C18orf54: variants seen among roughly 807,000 people sequenced by gnomAD.
The protein encoded by C18orf54 is chromosome 18 open reading frame 54, also known as lung adenoma susceptibility protein 2.
A neutral mutation model predicts 49.3 loss-of-function variants in C18orf54; 49 were observed. That is an observed-to-expected ratio of 0.99 (90% CI 0.79 to 1.26). The LOEUF (loss-of-function observed/expected upper bound fraction) is 1.26. Ranked by LOEUF, C18orf54 falls within the 50% of genes most tolerant of loss-of-function variation. The pLI, the probability that C18orf54 is intolerant of heterozygous loss-of-function variation, is 0.00. For missense variants in C18orf54, 687 were observed against 620.6 expected, an observed-to-expected ratio of 1.11 and a Z score of -1.14; for synonymous variants, 211 against 216.6, an observed-to-expected ratio of 0.97 and a Z score of 0.23.
In C18orf54 at chr18:54,361,608, G is replaced by A. The variant is rs762883290; in HGVS notation, c.284-35G>A. 16 of 1,496,014 alleles carry A rather than the reference G, an allele frequency of 1.1e-5. No individual in the cohort carries two copies. The East Asian group carries it at 3.0e-4, about 28-fold the overall frequency. 92.7% of individuals were successfully genotyped at this position (1,496,014 alleles called of 1,614,324 possible). ...TACTGTTGGATATTATAAAATATTT[G>A]TATGTAATAAACAAAACTGTTCTTC... is the stretch of plus-strand genomic sequence containing the variant. On this transcript the variant is annotated intron_variant, in intron 3 of 8. Transcript: ENST00000620105.
rs1273429929 is a variant in C18orf54, at chr18:54,362,216, A to G, written c.857A>G (p.Asp286Gly). The change falls in exon 4 of 9, where the codon GAT becomes GGT. Residue 286 changes from aspartate to glycine, a missense_variant. By Grantham distance (94) the Asp-to-Gly change is moderately conservative. Coordinates refer to ENST00000620105, the MANE Select transcript of C18orf54 (RefSeq NM_001288980.2). Reference protein sequence around the residue: ...SQRVYQIFKDDQCSPRHSHQA... With the variant: ...SQRVYQIFKDGQCSPRHSHQA... Reference sequence around the variant, plus strand: ...AGGGTTTATCAGATATTTAAAGATGATCAGTGTTCCCCTAGACATAGTCAT... The same window carrying G: ...AGGGTTTATCAGATATTTAAAGATGGTCAGTGTTCCCCTAGACATAGTCAT... 1.3e-6 allele frequency: 2 copies of G among 1,536,238 alleles called. No individual in the cohort carries two copies. The highest frequency in any genetic ancestry group is 8.7e-7 in the Non-Finnish European group (1 of 1,146,924).
At chr18:54,374,142 A>G in intron 7 of C18orf54, 72 bp from the exon 8 acceptor site, 1 of 1,192,468 alleles carries the variant, frequency 8.4e-7, no homozygotes. Context: ...TTTTAATCAC[A>G]TTTTCAATAC....
rs771678339 is a variant in C18orf54, at chr18:54,365,813, G to A, written c.1318G>A (p.Asp440Asn). Residue 440 changes from aspartate (D) to asparagine (N), a missense_variant, in exon 6 of 9, where the codon GAT becomes AAT. Physicochemically the swap from Asp to Asn is conservative, Grantham distance 23. Transcript: ENST00000620105. ...GGTTCTTGAAGACTTTCTAAATAAT[G>A]ATAATCAGGTGGGTGAAATTAAAAG... Reference protein sequence around the residue: ...KGVLEDFLNNDNQSCTLSGGK... With the variant: ...KGVLEDFLNNNNQSCTLSGGK... The A allele has an allele frequency of 1.4e-5, 22 of 1,562,098 alleles. No homozygotes were observed. The South Asian group carries it at 1.9e-4, about 14-fold the overall frequency.
chr18:54,374,413 C>A, intron 8 of C18orf54, 129 bp downstream of exon 8: 1 of 766,650 alleles, frequency 1.3e-6, no homozygotes, highest in South Asian at 3.9e-5. Context: ...TCTTGGAGCA[C>A]ACTGTTTACA....
intron 6 of C18orf54, among the ~76,000 whole-genome samples, chr18:54,372,196 A>G (rs929505889): frequency 6.6e-6 from 1 of 152,030 alleles, no homozygotes; most frequent in African/African-American, 2.4e-5. Flanking sequence ...AATTTGTCAT[A>G]AATATAAACG....
chr18:54,363,056 T>A, intron 5 of C18orf54, 135 bp downstream of exon 5: 1 of 852,058 alleles, frequency 1.2e-6, no homozygotes, highest in Non-Finnish European at 1.7e-6. Flanking sequence ...TTACTTGCTT[T>A]AAATTGCATT....
intron 6 of C18orf54, among the ~76,000 whole-genome samples, chr18:54,367,153 G>T (rs149232040): frequency 6.6e-6 from 1 of 151,996 alleles, no homozygotes; most frequent in African/African-American, 2.4e-5. Flanking sequence ...GTTTGTTCAC[G>T]TTCAAGGTTA....
intron 2 of C18orf54, 73 bp from the exon 3 acceptor site, chr18:54,360,454 T>C: frequency 1.1e-6 from 1 of 898,704 alleles, no homozygotes; most frequent in Non-Finnish European, 1.7e-6. Context: ...ACAAAAGGTT[T>C]ACATATTTAG....
chr18:54,368,337 T>A (rs965934575), intron 6 of C18orf54, among the ~76,000 whole-genome samples: 1 of 152,150 alleles, frequency 6.6e-6, no homozygotes, highest in Non-Finnish European at 1.5e-5. Flanking sequence ...CTGTGTTTTC[T>A]TAGAACAGCT....
At chr18:54,367,549 C>G (rs920945028) in intron 6 of C18orf54, among the ~76,000 whole-genome samples, 23 of 152,278 alleles carry the variant, frequency 1.5e-4, no homozygotes, top group African/African-American at 4.3e-4. Flanking sequence ...ATCATCCATC[C>G]TCTCCTGGCC....
At chr18:54,358,948 T>TCCCCCA (rs2089204849) in intron 2 of C18orf54, 78 bp downstream of exon 2, 1 of 152,152 alleles carries the variant, frequency 6.6e-6, no homozygotes, top group African/African-American at 2.4e-5. Flanking sequence ...AGTGGGTGGG[T>TCCCCCA]CCCTACCCAC....
intron 6 of C18orf54, among the ~76,000 whole-genome samples, chr18:54,367,041 A>G (rs2089400264): frequency 6.6e-6 from 1 of 152,064 alleles, no homozygotes; most frequent in African/African-American, 2.4e-5. Flanking sequence ...CTTTATGTGT[A>G]TCTTTAAAGG....
Position 54,361,861 on chromosome 18 carries a change from C to G in C18orf54, c.502C>G (p.Pro168Ala). The G allele has an allele frequency of 6.2e-7, 1 of 1,613,986 alleles. No individual in the cohort carries two copies. The highest frequency in any genetic ancestry group is 1.1e-5 in the South Asian group (1 of 91,058). ...GGGTTCATTGGACATTGAGAAGAAT[C>G]CACATTTTCAAGGACCCTACACTTC... ...RLGSLDIEKN[P>A]HFQGPYTSMG... is the part of the protein sequence containing the mutation. Residue 168 changes from proline (P) to alanine (A), a missense_variant, in exon 4 of 9, where the codon CCA (proline) becomes GCA (alanine). Physicochemically the swap from Pro to Ala is conservative, Grantham distance 27 (BLOSUM62 -1). Transcript: ENST00000620105.
At chr18:54,372,127 CCTGTCCT>C (rs1307344414) in intron 6 of C18orf54, among the ~76,000 whole-genome samples, 1 of 152,068 alleles carries the variant, frequency 6.6e-6, no homozygotes, top group East Asian at 1.9e-4. Flanking sequence ...TGTTGGTTTA[CCTGTCCT>C]CTGAAGACCT....
rs181453274 is a variant in C18orf54, at chr18:54,363,003, C to T, written c.1223+82C>T. 474 of 1,312,672 alleles carry T rather than the reference C, an allele frequency of 3.6e-4. 1 individual carries two copies. In the African/African-American group the frequency reaches 3.9e-3, roughly 11 times the overall value. The allele number at this position is 1,312,672 out of a possible 1,614,324, so 81.3% of individuals were successfully genotyped here. ...AATATCTGATTTATATTTAAACGAA[C>T]GGTAATTAATAATATTGTAACTCCA... On this transcript the variant is annotated intron_variant, in intron 5 of 8. Transcript: ENST00000620105.
chr18:54,376,412 T>C (rs2144755831), intron 8 of C18orf54, among the ~76,000 whole-genome samples: 1 of 152,358 alleles, frequency 6.6e-6, no homozygotes, highest in South Asian at 2.1e-4. Context: ...TTGGCCAGGC[T>C]TGTCTCAAAC....
intron 8 of C18orf54, among the ~76,000 whole-genome samples, chr18:54,376,223 A>G (rs949720040): frequency 6.6e-6 from 1 of 152,242 alleles, no homozygotes; most frequent in Non-Finnish European, 1.5e-5. Context: ...TTCATTAGCC[A>G]TAGGGAACTG....
chr18:54,373,602 C>T (rs1184697058), intron 7 of C18orf54, among the ~76,000 whole-genome samples: 1 of 151,796 alleles, frequency 6.6e-6, no homozygotes, highest in Non-Finnish European at 1.5e-5. Context: ...CAGTGTCTGT[C>T]TTTCTGTGCT....
chr18:54,367,620 C>T (rs1237112786), intron 6 of C18orf54, among the ~76,000 whole-genome samples: 1 of 152,108 alleles, frequency 6.6e-6, no homozygotes, highest in Non-Finnish European at 1.5e-5. Context: ...TATGTGACTT[C>T]ATGGTTTTCT....
Sources: gnomAD v4.1 joint callset for allele counts (sites outside exome capture counted in the v4.1 genomes callset) on GRCh38, gnomAD v4.1.1 for gene constraint, MANE v1.5 for transcripts, NCBI Gene and HGNC (gene_info 2026-07-23, HGNC 2026-07-21) for gene names.